TGFBR1: variants seen among roughly 807,000 people sequenced by gnomAD.
TGFBR1 encodes the protein TGF-beta receptor type-1.
In TGFBR1, 20 loss-of-function variants were observed where a neutral mutation model predicts 55.1. That is an observed-to-expected ratio of 0.36 (90% CI 0.26 to 0.53). The LOEUF (loss-of-function observed/expected upper bound fraction) is 0.53. Ranked by LOEUF, TGFBR1 falls within the 20% of genes least tolerant of loss-of-function variation. TGFBR1 has a pLI of 0.91. For synonymous variants in TGFBR1, 220 were observed against 214.8 expected, an observed-to-expected ratio of 1.02 and a Z score of -0.21; for missense variants, 385 against 617.6, an observed-to-expected ratio of 0.62 and a Z score of 3.99.
rs138334938 is a variant in TGFBR1, at chr9:99,131,883, G to T, written c.344-626G>T. 9.6e-3 allele frequency among the ~76,000 whole-genome samples: 1,460 copies of T among 151,832 alleles called. 10 individuals carry two copies. The highest frequency in any genetic ancestry group is 0.015 in the Non-Finnish European group (1,008 of 67,950). ...CTTGGGAGGCTCAGGCAGGAGAATC[G>T]CTTGAACCCGGGAGGCGGAGGTTGC... is the stretch of plus-strand genomic sequence containing the variant. On this transcript the variant is annotated intron_variant, in intron 2 of 8. Transcript: ENST00000374994.
At chr9:99,118,795 T>A (rs1215053446) in intron 1 of TGFBR1, among the ~76,000 whole-genome samples, 1 of 151,996 alleles carries the variant, frequency 6.6e-6, no homozygotes, top group Non-Finnish European at 1.5e-5. Context: ...TACAGGTGCG[T>A]GCCACCACAC....
rs1564161544 is a variant in TGFBR1, at chr9:99,137,957, C to T, written c.673C>T (p.Arg225Trp). Residue 225 changes from arginine to tryptophan, a missense_variant, in exon 4 of 9, where the codon CGG becomes TGG. Around this residue, in one of 5 missense-constraint regions of TGFBR1, gnomAD observed 85 missense variants for 228.4 expected, o/e 0.37. Coordinates refer to ENST00000374994, the MANE Select transcript of TGFBR1 (RefSeq NM_004612.4). ...RFGEVWRGKW[R>W]GEEVAVKIFS... is the part of the protein sequence containing the mutation. Reference sequence around the variant, plus strand: ...TGGAGAAGTTTGGAGAGGAAAGTGGCGGGGAGAAGAAGTTGCTGTTAAGAT... The same window carrying T: ...TGGAGAAGTTTGGAGAGGAAAGTGGTGGGGAGAAGAAGTTGCTGTTAAGAT... The T allele has an allele frequency of 3.1e-6, 5 of 1,613,914 alleles. No individual in the cohort carries two copies. Among genetic ancestry groups the T allele is most frequent in the East Asian group, 2.2e-5 (1 of 44,850 alleles).
At position 99,152,110 on chromosome 9, in the gene TGFBR1, C is replaced by T. The variant is rs1475243654; in HGVS notation, c.*2805C>T. The stretch of plus-strand genomic sequence containing the variant: ...TGGTCCCTGACGCAGAGACCGTTGC[C>T]TCCCCCACAGCCGTTTGACTGAAGG... On this transcript the variant is annotated 3_prime_UTR_variant, in exon 9 of 9. Transcript: ENST00000374994. The T allele has an allele frequency of 4.8e-6, 1 of 207,250 alleles. No homozygotes were observed. Among genetic ancestry groups the T allele is most frequent in the African/African-American group, 2.3e-5 (1 of 43,914 alleles). 12.8% of individuals were successfully genotyped at this position (207,250 alleles called of 1,614,324 possible).
chr9:99,135,028 G>C (rs976667103), intron 3 of TGFBR1, among the ~76,000 whole-genome samples: 1 of 151,684 alleles, frequency 6.6e-6, no homozygotes, highest in Non-Finnish European at 1.5e-5. Context: ...GATGGATTCT[G>C]TGCACATCAT....
chr9:99,105,676 C>G (rs972528799), intron 1 of TGFBR1, among the ~76,000 whole-genome samples: 1 of 152,092 alleles, frequency 6.6e-6, no homozygotes, highest in Non-Finnish European at 1.5e-5. Context: ...CTGGCAGAGC[C>G]GTGGCTGCCC....
At chr9:99,140,392 T>C (rs1419430537) in intron 4 of TGFBR1, among the ~76,000 whole-genome samples, 1 of 151,888 alleles carries the variant, frequency 6.6e-6, no homozygotes, top group African/African-American at 2.4e-5. Flanking sequence ...AGGTGGAGGT[T>C]GCAGTCAGAG....
At chr9:99,106,297 C>T (rs1298903260) in intron 1 of TGFBR1, among the ~76,000 whole-genome samples, 1 of 152,094 alleles carries the variant, frequency 6.6e-6, no homozygotes, top group African/African-American at 2.4e-5. Context: ...TGGTTGGTAT[C>T]CACAAAGGGA....
In TGFBR1 at chr9:99,151,793, A is replaced by G. The variant is rs1223789633; in HGVS notation, c.*2488A>G. On this transcript the variant is annotated 3_prime_UTR_variant, in exon 9 of 9. Transcript: ENST00000374994. ...ATTGGCTGATATTGAAAATGAAAGA[A>G]ACTTAAAAGGTGGGATGGATCATGA... 4.6e-6 allele frequency: 1 copy of G among 216,490 alleles called. No homozygotes were observed. Among genetic ancestry groups the G allele is most frequent in the African/African-American group, 2.3e-5 (1 of 44,436 alleles). 13.4% of individuals were successfully genotyped at this position (216,490 alleles called of 1,614,324 possible).
rs1343313440 is a variant in TGFBR1 at position 99,151,003 on chromosome 9, G to A, written c.*1698G>A. On this transcript the variant is annotated 3_prime_UTR_variant, in exon 9 of 9. Transcript: ENST00000374994. ...GACTTTATAGTGCTATCAGTTCCCC[G>A]ATACAGGGTCAGAGTAACCCATACA... 3 of 227,602 alleles carry A rather than the reference G, an allele frequency of 1.3e-5. No individual in the cohort carries two copies. The highest frequency in any genetic ancestry group is 1.1e-4 in the Admixed American group (2 of 17,548). 14.1% of individuals were successfully genotyped at this position (227,602 alleles called of 1,614,324 possible).
rs200966435 is a variant in TGFBR1, at chr9:99,149,387, A to C, written c.*82A>C. The C allele has an allele frequency of 1.3e-6, 2 of 1,563,546 alleles. No individual in the cohort carries two copies. Among genetic ancestry groups the C allele is most frequent in the Admixed American group, 3.3e-5 (2 of 59,722 alleles). Reference sequence around the variant, plus strand: ...TTTGGGAGGTCAATTGTTCTACCTCACTGAGAGGGAACAGAAGGATATTGC... The same window carrying C: ...TTTGGGAGGTCAATTGTTCTACCTCCCTGAGAGGGAACAGAAGGATATTGC... On this transcript the variant is annotated 3_prime_UTR_variant, in exon 9 of 9. Transcript: ENST00000374994.
intron 1 of TGFBR1, among the ~76,000 whole-genome samples, chr9:99,113,117 G>T (rs946260566): frequency 6.6e-6 from 1 of 152,166 alleles, no homozygotes; most frequent in African/African-American, 2.4e-5. Context: ...TCTTAGTAAA[G>T]ATGTATATAT....
intron 5 of TGFBR1, among the ~76,000 whole-genome samples, chr9:99,144,224 T>TTA (rs1189102494): frequency 6.6e-6 from 1 of 152,238 alleles, no homozygotes; most frequent in Non-Finnish European, 1.5e-5. Flanking sequence ...TACTATTTTC[T>TTA]TAAAGTGCCT....
chr9:99,105,043 G>A (rs1826358874), upstream of TGFBR1: 2 of 475,814 alleles, frequency 4.2e-6, no homozygotes, highest in African/African-American at 2.1e-5. Flanking sequence ...AGGCGGGGCC[G>A]GCGGGAGCCC....
chr9:99,115,318 G>A (rs1481048327), intron 1 of TGFBR1, among the ~76,000 whole-genome samples: 2 of 151,856 alleles, frequency 1.3e-5, no homozygotes, highest in African/African-American at 4.8e-5. Flanking sequence ...AGATTTCCTA[G>A]GTGTAAACCT....
Position 99,153,326 on chromosome 9 carries a change from A to G in TGFBR1, c.*4021A>G, listed in dbSNP as rs1828025598. 1 of 218,092 alleles carries G rather than the reference A, an allele frequency of 4.6e-6. No homozygotes were observed. Among genetic ancestry groups the G allele is most frequent in the Non-Finnish European group, 9.2e-6 (1 of 108,200 alleles). 13.5% of individuals were successfully genotyped at this position (218,092 alleles called of 1,614,324 possible). On this transcript the variant is annotated 3_prime_UTR_variant, in exon 9 of 9. Coordinates refer to ENST00000374994, the MANE Select transcript of TGFBR1 (RefSeq NM_004612.4). Reference sequence around the variant, plus strand: ...CTGTATTGTTTATATTTGTACCCCAAATAACATCGTCTGTACTTTCTGTTT... The same window carrying G: ...CTGTATTGTTTATATTTGTACCCCAGATAACATCGTCTGTACTTTCTGTTT...
intron 1 of TGFBR1, 186 bp from the exon 2 acceptor site, chr9:99,128,669 T>C (rs937374750): frequency 7.5e-6 from 6 of 800,644 alleles, no homozygotes; most frequent in Non-Finnish European, 1.2e-5. Flanking sequence ...TCCACGTGTA[T>C]GTGGTTCTTA....
intron 1 of TGFBR1, 33 bp from the exon 2 acceptor site, chr9:99,128,822 A>G: frequency 6.2e-7 from 1 of 1,612,674 alleles, no homozygotes; most frequent in South Asian, 1.1e-5. Flanking sequence ...GTTAACCTTG[A>G]GATTTTTTCT....
intron 1 of TGFBR1, among the ~76,000 whole-genome samples, chr9:99,112,413 T>C: frequency 6.6e-6 from 1 of 152,222 alleles, no homozygotes; most frequent in Non-Finnish European, 1.5e-5. Flanking sequence ...TAAAATATTG[T>C]CATCATCCTA....
intron 4 of TGFBR1, among the ~76,000 whole-genome samples, chr9:99,141,864 G>A (rs185410804): frequency 6.0e-4 from 92 of 152,288 alleles, no homozygotes; most frequent in Non-Finnish European, 1.8e-4. Flanking sequence ...CACGTTCCTC[G>A]TTGTTTGAGT....
Sources: gnomAD v4.1 joint callset for allele counts (sites outside exome capture counted in the v4.1 genomes callset) on GRCh38, gnomAD v4.1.1 for gene constraint, gnomAD v4.1.1 regional missense constraint, MANE v1.5 for transcripts, NCBI Gene and HGNC (gene_info 2026-07-23, HGNC 2026-07-21) for gene names.